The following PLEKHG1 variants were observed in gnomAD, a reference collection of about 807,000 sequenced individuals.
The protein encoded by PLEKHG1 is pleckstrin homology and RhoGEF domain containing G1.
Under a neutral mutation model 100.8 loss-of-function variants are expected in PLEKHG1, and 44 were observed. The ratio of observed to expected loss-of-function variants is 0.44; its 90% CI spans 0.34 to 0.56. PLEKHG1 has a LOEUF of 0.56. Ranked by LOEUF, PLEKHG1 falls within the 20% of genes least tolerant of loss-of-function variation. PLEKHG1 has a pLI of 0.01. For missense variants in PLEKHG1, 1,545 were observed against 1,720.9 expected, an observed-to-expected ratio of 0.90 and a Z score of 1.81; for synonymous variants, 640 against 662.5, an observed-to-expected ratio of 0.97 and a Z score of 0.52.
intron 15 of PLEKHG1, among the ~76,000 whole-genome samples, chr6:150,837,310 G>C (rs803403): frequency 2.0e-5 from 3 of 152,178 alleles, no homozygotes; most frequent in Non-Finnish European, 4.4e-5. Flanking sequence ...AGAGAAATCA[G>C]AAAAGGATTC....
chr6:150,764,583 C>T (rs1472475541), intron 2 of PLEKHG1, among the ~76,000 whole-genome samples: 3 of 152,212 alleles, frequency 2.0e-5, no homozygotes, highest in Non-Finnish European at 4.4e-5. Context: ...TTTAGGCGCA[C>T]GCCCTGCTCT....
intron 1 of PLEKHG1, among the ~76,000 whole-genome samples, chr6:150,625,172 TATAAA>T (rs1343661484): frequency 9.9e-5 from 15 of 152,020 alleles, no homozygotes; most frequent in Non-Finnish European, 1.9e-4. Flanking sequence ...TTTTAAAAAC[TATAAA>T]ATAAGTTTAG....
chr6:150,764,122 TC>T (rs201335995), intron 2 of PLEKHG1, among the ~76,000 whole-genome samples: 12 of 149,504 alleles, frequency 8.0e-5, no homozygotes, highest in East Asian at 3.9e-4. Flanking sequence ...TTTTTCTTTT[TC>T]TTTTTTTTTT....
At chr6:150,828,962 T>C (rs562640791) in intron 14 of PLEKHG1, among the ~76,000 whole-genome samples, 7 of 152,152 alleles carry the variant, frequency 4.6e-5, no homozygotes, top group Admixed American at 2.6e-4. Flanking sequence ...TGAAAAGAAA[T>C]AAATGGCTAA....
At chr6:150,706,374 G>A (rs1298802323) in intron 3 of PLEKHG1, among the ~76,000 whole-genome samples, 1 of 151,878 alleles carries the variant, frequency 6.6e-6, no homozygotes, top group Non-Finnish European at 1.5e-5. Flanking sequence ...AGCAATTTGG[G>A]AGGCCAAGGT....
intron 3 of PLEKHG1, among the ~76,000 whole-genome samples, chr6:150,699,357 C>T (rs1387593359): frequency 1.3e-5 from 2 of 152,242 alleles, no homozygotes; most frequent in East Asian, 3.8e-4. Flanking sequence ...CCTTAAGTGA[C>T]TGCCAAGCAT....
chr6:150,769,446 G>A (rs1034206536), intron 3 of PLEKHG1, among the ~76,000 whole-genome samples: 2 of 151,832 alleles, frequency 1.3e-5, no homozygotes, highest in Non-Finnish European at 2.9e-5. Flanking sequence ...GCCAGGTATG[G>A]TGGTGCACAC....
chr6:150,748,261 GCATTT>G (rs1385657301), intron 2 of PLEKHG1, among the ~76,000 whole-genome samples: 2 of 146,940 alleles, frequency 1.4e-5, no homozygotes, highest in Admixed American at 1.4e-4. Flanking sequence ...TGTGTAGATT[GCATTT>G]CGTTTATCCA....
intron 2 of PLEKHG1, among the ~76,000 whole-genome samples, chr6:150,754,656 T>G (rs1254178276): frequency 2.0e-5 from 3 of 151,034 alleles, no homozygotes; most frequent in African/African-American, 2.4e-5. Flanking sequence ...TAGATGGCAT[T>G]AGGACTTTCT....
chr6:150,684,646 A>G (rs1489880726), intron 3 of PLEKHG1, among the ~76,000 whole-genome samples: 1 of 152,120 alleles, frequency 6.6e-6, no homozygotes, highest in Non-Finnish European at 1.5e-5. Flanking sequence ...TGGCAGCAGT[A>G]ATGATCGAGG....
At chr6:150,819,920 T>C in intron 12 of PLEKHG1, 146 bp downstream of exon 13, 2 of 617,038 alleles carry the variant, frequency 3.2e-6, no homozygotes, top group South Asian at 3.7e-5. Context: ...AAGATGGGAC[T>C]CATGAGCTTT....
chr6:150,646,223 C>T (rs1778492825), intron 2 of PLEKHG1, among the ~76,000 whole-genome samples: 1 of 152,080 alleles, frequency 6.6e-6, no homozygotes, highest in African/African-American at 2.4e-5. Flanking sequence ...TACGTGTTTG[C>T]AGGATGGCTG....
intron 10 of PLEKHG1, among the ~76,000 whole-genome samples, chr6:150,812,756 G>A (rs1787606356): frequency 6.6e-6 from 1 of 152,126 alleles, no homozygotes; most frequent in Admixed American, 6.6e-5. Flanking sequence ...GGAGACAGTG[G>A]CTCACTTCTT....
At chr6:150,769,081 ACTTTT>A (rs1784586664) in intron 3 of PLEKHG1, among the ~76,000 whole-genome samples, 1 of 152,122 alleles carries the variant, frequency 6.6e-6, no homozygotes, top group African/African-American at 2.4e-5. Context: ...ATTTTCTATA[ACTTTT>A]CTTCTACCTG....
At chr6:150,833,983 A>C (rs892002674) in intron 15 of PLEKHG1, among the ~76,000 whole-genome samples, 3 of 152,206 alleles carry the variant, frequency 2.0e-5, no homozygotes, top group African/African-American at 7.2e-5. Flanking sequence ...ATGAATGCAC[A>C]AGTTACATAA....
chr6:150,682,058 G>A (rs1033708302), intron 3 of PLEKHG1, among the ~76,000 whole-genome samples: 6 of 152,158 alleles, frequency 3.9e-5, no homozygotes, highest in African/African-American at 1.2e-4. Flanking sequence ...AGGGGCAAGC[G>A]TGATGCCTGC....
chr6:150,698,912 A>G (rs1175878091), intron 3 of PLEKHG1, among the ~76,000 whole-genome samples: 1 of 152,270 alleles, frequency 6.6e-6, no homozygotes, highest in Admixed American at 6.5e-5. Flanking sequence ...AGGGAGTTCT[A>G]TTAATACCAA....
chr6:150,627,038 C>T (rs1024992293), intron 1 of PLEKHG1, among the ~76,000 whole-genome samples: 17 of 152,100 alleles, frequency 1.1e-4, no homozygotes, highest in African/African-American at 3.4e-4. Flanking sequence ...TGGGGTGTGG[C>T]GTGATCTCTT....
Position 150,662,189 on chromosome 6 carries a change from A to G in PLEKHG1, c.-99+11403A>G, listed in dbSNP as rs1056451080. ...TTTCTCCTCCTGTCAGTCAGCTCCT[A>G]ATCTTCCCAGTATGGTTTCCTTCTG... On this transcript the variant is annotated intron_variant, in intron 3 of 3. Coordinates refer to the PLEKHG1 transcript ENST00000367326. Among the ~76,000 whole-genome samples, 7 of 152,306 alleles carry G rather than the reference A, an allele frequency of 4.6e-5. No individual in the cohort carries two copies. In the East Asian group the frequency reaches 1.3e-3, roughly 29 times the overall value.
Sources: allele counts gnomAD v4.1 joint callset (sites outside exome capture counted in the v4.1 genomes callset), GRCh38; gene constraint gnomAD v4.1.1; transcripts MANE v1.5; gene names NCBI Gene and HGNC (gene_info 2026-07-23, HGNC 2026-07-21).